Variants in LIMA1 observed in about 807,000 individuals in gnomAD.
LIMA1 encodes LIM domain and actin-binding protein 1.
LIMA1 carries 52 observed loss-of-function variants against 62.6 expected under a neutral mutation model. The observed-to-expected ratio is 0.83, with a 90% CI of 0.67 to 1.05. LIMA1 has a LOEUF of 1.05. Among genes scored for constraint, LIMA1 ranks in the 50% least tolerant of loss-of-function variants. The pLI is 0.00. For missense variants in LIMA1, 780 were observed against 902.2 expected, an observed-to-expected ratio of 0.86 and a Z score of 1.74; for synonymous variants, 302 against 317.8, an observed-to-expected ratio of 0.95 and a Z score of 0.53.
intron 2 of LIMA1, among the ~76,000 whole-genome samples, chr12:50,233,544 G>T (rs1941643601): frequency 6.6e-6 from 1 of 152,162 alleles, no homozygotes; most frequent in African/African-American, 2.4e-5. Flanking sequence ...TTTTGTTTGA[G>T]ACAGAGTTTC....
At chr12:50,236,978 G>A (rs1941705702) in intron 2 of LIMA1, among the ~76,000 whole-genome samples, 1 of 152,098 alleles carries the variant, frequency 6.6e-6, no homozygotes, top group Admixed American at 6.5e-5. Context: ...TGGGGAAACA[G>A]GTTCTGTCTT....
chr12:50,189,411 G>C (rs527407902), intron 9 of LIMA1: 1 of 152,262 alleles, frequency 6.6e-6, no homozygotes, highest in South Asian at 2.1e-4. Flanking sequence ...ATATGAGCAT[G>C]AGTTGGGAGC....
chr12:50,231,229 C>A (rs1006180234), intron 3 of LIMA1, among the ~76,000 whole-genome samples: 3 of 152,088 alleles, frequency 2.0e-5, no homozygotes, highest in Admixed American at 2.0e-4. Flanking sequence ...AGGAAACTTG[C>A]TAACTAGATT....
chr12:50,217,666 G>T, intron 4 of LIMA1: 1 of 219,982 alleles, frequency 4.5e-6, no homozygotes, highest in Non-Finnish European at 9.3e-6. Context: ...TCATGACCTT[G>T]ATTTCTGGCG....
At chr12:50,213,682 A>C (rs1463342064) in intron 4 of LIMA1, among the ~76,000 whole-genome samples, 2 of 152,264 alleles carry the variant, frequency 1.3e-5, no homozygotes, top group Non-Finnish European at 2.9e-5. Flanking sequence ...ATCTGGATAC[A>C]CACCTGTGTT....
intron 1 of LIMA1, among the ~76,000 whole-genome samples, chr12:50,270,233 CAAAAAAAAAA>C (rs60610107): frequency 1.5e-5 from 1 of 68,404 alleles, no homozygotes; most frequent in African/African-American, 6.0e-5. Flanking sequence ...GAAACTCTGT[CAAAAAAAAAA>C]AAAAAAAAAA....
intron 4 of LIMA1, among the ~76,000 whole-genome samples, chr12:50,208,248 G>C (rs1425550151): frequency 6.6e-6 from 1 of 152,168 alleles, no homozygotes; most frequent in East Asian, 1.9e-4. Flanking sequence ...CACTTTGGGA[G>C]GCCGAGGCAG....
intron 1 of LIMA1, among the ~76,000 whole-genome samples, chr12:50,258,253 C>A (rs1942022803): frequency 6.6e-6 from 1 of 152,026 alleles, no homozygotes; most frequent in South Asian, 2.1e-4. Context: ...GTGGACAAAA[C>A]CAAGAATTAT....
At chr12:50,218,915 AC>A (rs1368050096) in intron 4 of LIMA1, among the ~76,000 whole-genome samples, 120 of 145,376 alleles carry the variant, frequency 8.3e-4, no homozygotes, top group African/African-American at 3.1e-3. Flanking sequence ...AAAAACAAAA[AC>A]AAAAAAAAAA....
chr12:50,261,131 C>A (rs1942068265), intron 1 of LIMA1, among the ~76,000 whole-genome samples: 2 of 138,934 alleles, frequency 1.4e-5, no homozygotes. Flanking sequence ...GGGCTCACTG[C>A]AAGCTCCGCC....
intron 6 of LIMA1, chr12:50,201,147 G>C (rs994739059): frequency 8.4e-7 from 1 of 1,188,104 alleles, no homozygotes; most frequent in African/African-American, 1.6e-5. Context: ...CATCAACACA[G>C]GCACACAGAA....
chr12:50,227,921 G>A (rs574868825), intron 3 of LIMA1, among the ~76,000 whole-genome samples: 2 of 150,658 alleles, frequency 1.3e-5, no homozygotes, highest in East Asian at 2.0e-4. Context: ...GTGCAGTGGC[G>A]CGGTCTTGGC....
At position 50,176,897 on chromosome 12, in the gene LIMA1, GT is replaced by G; in HGVS notation, c.*166del. ...CTAGTATTTAGAATGTGTTTTTTGT[GT>G]TTTTTTGTTTTGTTTTTGATTTTAA... is the stretch of plus-strand genomic sequence containing the variant. On this transcript the variant is annotated 3_prime_UTR_variant, in exon 11 of 11. Transcript: ENST00000341247. 3 of 593,898 alleles carry G rather than the reference GT, an allele frequency of 5.1e-6. No homozygotes were observed. The highest frequency in any genetic ancestry group is 5.7e-6 in the Non-Finnish European group (2 of 352,830). The allele number at this position is 593,898 out of a possible 1,614,324, so 36.8% of individuals were successfully genotyped here.
At chr12:50,224,925 G>A (rs1302098937) in intron 3 of LIMA1, among the ~76,000 whole-genome samples, 6 of 138,884 alleles carry the variant, frequency 4.3e-5, no homozygotes, top group East Asian at 2.1e-4. Flanking sequence ...TTTTTGAGAC[G>A]GAGGTTCACT....
chr12:50,281,164 G>C (rs900274914), intron 1 of LIMA1, among the ~76,000 whole-genome samples: 3 of 152,142 alleles, frequency 2.0e-5, no homozygotes, highest in Non-Finnish European at 2.9e-5. Context: ...TTGTGTCTGT[G>C]TGTGTGTCTT....
At chr12:50,269,519 T>C (rs1399926857) in intron 1 of LIMA1, among the ~76,000 whole-genome samples, 1 of 152,134 alleles carries the variant, frequency 6.6e-6, no homozygotes, top group Non-Finnish European at 1.5e-5. Flanking sequence ...TGTAATAATA[T>C]CTGAGAAACT....
chr12:50,270,447 A>T (rs564767003), intron 1 of LIMA1, among the ~76,000 whole-genome samples: 2 of 151,020 alleles, frequency 1.3e-5, no homozygotes, highest in Non-Finnish European at 1.5e-5. Flanking sequence ...AAAAGTACAA[A>T]CAAATAAGTT....
chr12:50,205,856 T>G, intron 5 of LIMA1, 128 bp downstream of exon 5: 1 of 418,084 alleles, frequency 2.4e-6, no homozygotes, highest in Non-Finnish European at 4.3e-6. Flanking sequence ...ATGGCTTGCA[T>G]CTAATAGGCA....
At position 50,177,011 on chromosome 12, in the gene LIMA1, C is replaced by G. The variant is rs1047273659; in HGVS notation, c.*53G>C. Reference sequence around the variant, plus strand: ...ATGTGCATCACATTTTGACAAAGGGCAGTGGCTCGCTAACACTAACATGAA... The same window carrying G: ...ATGTGCATCACATTTTGACAAAGGGGAGTGGCTCGCTAACACTAACATGAA... On this transcript the variant is annotated 3_prime_UTR_variant, in exon 11 of 11. Coordinates refer to ENST00000341247, the MANE Select transcript of LIMA1 (RefSeq NM_016357.5). 24 of 1,385,848 alleles carry G rather than the reference C, an allele frequency of 1.7e-5. No homozygotes were observed. Among genetic ancestry groups the G allele is most frequent in the Non-Finnish European group, 2.1e-5 (22 of 1,035,896 alleles). 85.8% of individuals were successfully genotyped at this position (1,385,848 alleles called of 1,614,324 possible).
Sources: allele counts gnomAD v4.1 joint callset (sites outside exome capture counted in the v4.1 genomes callset), GRCh38; gene constraint gnomAD v4.1.1; transcripts MANE v1.5; gene names NCBI Gene and HGNC (gene_info 2026-07-23, HGNC 2026-07-21).